OLFML1: variants seen among roughly 807,000 people sequenced by gnomAD.
OLFML1 encodes the protein olfactomedin like 1, also known as olfactomedin-like protein 1.
Under a neutral mutation model 37.3 loss-of-function variants are expected in OLFML1, and 33 were observed. That is an observed-to-expected ratio of 0.88 (90% CI 0.67 to 1.18). The LOEUF is 1.18. Among genes scored for constraint, OLFML1 ranks in the 50% most tolerant of loss-of-function variants. The pLI, the probability that OLFML1 is intolerant of heterozygous loss-of-function variation, is 0.00. For missense variants in OLFML1, 545 were observed against 483.7 expected, an observed-to-expected ratio of 1.13 and a Z score of -1.19; for synonymous variants, 186 against 181.3, an observed-to-expected ratio of 1.03 and a Z score of -0.21.
intron 2 of OLFML1, among the ~76,000 whole-genome samples, chr11:7,500,084 G>A (rs1327774502): frequency 1.3e-5 from 2 of 152,142 alleles, no homozygotes; most frequent in Non-Finnish European, 2.9e-5. Context: ...GTGGAGACGA[G>A]GTCTCACTAT....
chr11:7,509,686 T>G lies in OLFML1; in HGVS notation c.707T>G (p.Ile236Arg), dbSNP rs769025241. The change falls in exon 3 of 3, where the codon ATA becomes AGA. Residue 236 changes from isoleucine (I) to arginine (R), a missense_variant. Transcript: ENST00000329293. ...FFHNQATSNE[I>R]IKYNLQKRTV... ...CATAACCAAGCAACTTCTAATGAGA[T>G]AATCAAATATAACCTGCAGAAGAGG... 12 of 1,614,202 alleles carry G rather than the reference T, an allele frequency of 7.4e-6. No homozygotes were observed. In the Admixed American group the frequency reaches 2.0e-4, roughly 27 times the overall value.
intron 2 of OLFML1, among the ~76,000 whole-genome samples, chr11:7,501,294 G>A (rs559679874): frequency 4.5e-4 from 68 of 152,320 alleles, no homozygotes; most frequent in African/African-American, 1.5e-3. Flanking sequence ...AGTATGGCAG[G>A]GGGTCCTTCT....
chr11:7,488,554 G>C, intron 2 of OLFML1, 139 bp downstream of exon 2: 1 of 669,864 alleles, frequency 1.5e-6, no homozygotes, highest in Non-Finnish European at 2.5e-6. Flanking sequence ...TGCTGAGAGA[G>C]AAAGCTATAC....
Position 7,511,289 on chromosome 11 carries a change from TTC to T in OLFML1, c.*1107_*1108del, listed in dbSNP as rs138369701. 2 of 152,196 alleles carry T rather than the reference TTC, an allele frequency of 1.3e-5. No homozygotes were observed. The highest frequency in any genetic ancestry group is 2.9e-5 in the Non-Finnish European group (2 of 68,022). 9.4% of individuals were successfully genotyped at this position (152,196 alleles called of 1,614,324 possible). ...CTCCTCTTGTCTTGCTGTCCTCTGTTTCTCTCTTTCTGCTTTAAATTCAATAA... is the reference window on the plus strand; with the variant it reads ...CTCCTCTTGTCTTGCTGTCCTCTGTTTCTCTTTCTGCTTTAAATTCAATAA... On this transcript the variant is annotated 3_prime_UTR_variant, in exon 3 of 3. Transcript: ENST00000329293.
Position 7,510,343 on chromosome 11 carries a change from T to A in OLFML1, c.*155T>A, listed in dbSNP as rs1337180195. On this transcript the variant is annotated 3_prime_UTR_variant, in exon 3 of 3. Coordinates refer to ENST00000329293, the MANE Select transcript of OLFML1 (RefSeq NM_198474.4). ...GTATGCCTCCTTTCCCAAATGTCAC[T>A]GCCTTAGGTATCTTCCAAGAGCTTA... is the stretch of plus-strand genomic sequence containing the variant. 2 of 637,912 alleles carry A rather than the reference T, an allele frequency of 3.1e-6. No individual in the cohort carries two copies. The highest frequency in any genetic ancestry group is 3.7e-5 in the African/African-American group (2 of 54,690). 39.5% of individuals were successfully genotyped at this position (637,912 alleles called of 1,614,324 possible).
At chr11:7,491,744 C>G (rs557983779) in intron 2 of OLFML1, among the ~76,000 whole-genome samples, 46 of 152,298 alleles carry the variant, frequency 3.0e-4, no homozygotes, top group African/African-American at 9.6e-4. Flanking sequence ...TTCTGTGGGT[C>G]AGGAGTCCAT....
intron 2 of OLFML1, among the ~76,000 whole-genome samples, chr11:7,491,207 A>G (rs531977094): frequency 1.3e-5 from 2 of 152,020 alleles, no homozygotes; most frequent in South Asian, 2.1e-4. Flanking sequence ...GTGAAGACCT[A>G]TGAGGGTGAG....
chr11:7,499,013 G>A (rs559229923), intron 2 of OLFML1, among the ~76,000 whole-genome samples: 134 of 152,168 alleles, frequency 8.8e-4, no homozygotes, highest in African/African-American at 3.0e-3. Context: ...CCAATGTTTC[G>A]GATCCTTAAC....
chr11:7,496,257 A>T (rs995182418), intron 2 of OLFML1, among the ~76,000 whole-genome samples: 4 of 152,244 alleles, frequency 2.6e-5, no homozygotes, highest in Non-Finnish European at 4.4e-5. Flanking sequence ...GTCCCTAGGA[A>T]CTTAGCCTGG....
At chr11:7,508,075 A>G (rs1229419303) in intron 2 of OLFML1, among the ~76,000 whole-genome samples, 1 of 152,226 alleles carries the variant, frequency 6.6e-6, no homozygotes, top group Non-Finnish European at 1.5e-5. Context: ...GGAAAAGAAA[A>G]TGTCATTAAG....
chr11:7,503,922 C>G (rs1282117047), intron 2 of OLFML1, among the ~76,000 whole-genome samples: 3 of 152,102 alleles, frequency 2.0e-5, no homozygotes, highest in Admixed American at 6.5e-5. Flanking sequence ...ATTCTAGGAA[C>G]AAGGCATACA....
chr11:7,506,741 C>G (rs564719303), intron 2 of OLFML1, among the ~76,000 whole-genome samples: 13 of 152,218 alleles, frequency 8.5e-5, no homozygotes, highest in African/African-American at 2.9e-4. Flanking sequence ...GATATGGTGG[C>G]ATAACTAGGG....
Position 7,489,653 on chromosome 11 carries a change from T to C in OLFML1, c.418+1238T>C, listed in dbSNP as rs113325941. Among the ~76,000 whole-genome samples, 1,428 of 152,206 alleles carry C rather than the reference T, an allele frequency of 9.4e-3. 25 individuals carry two copies. Among genetic ancestry groups the C allele is most frequent in the African/African-American group, 0.033 (1,369 of 41,532 alleles). ...CAATGATTTGGGCAACAAGTAATAGTGTTGGCATTAAGTGTCATGGGACAG... is the reference window on the plus strand; with the variant it reads ...CAATGATTTGGGCAACAAGTAATAGCGTTGGCATTAAGTGTCATGGGACAG... On this transcript the variant is annotated intron_variant, in intron 2 of 2. Transcript: ENST00000329293.
chr11:7,495,080 C>T (rs1332313409), intron 2 of OLFML1, among the ~76,000 whole-genome samples: 3 of 152,170 alleles, frequency 2.0e-5, no homozygotes, highest in Admixed American at 2.0e-4. Flanking sequence ...TTCCCTTTGG[C>T]CCTCGTCTGA....
At chr11:7,509,264 C>T (rs1848822680) in intron 2 of OLFML1, 134 bp from the exon 3 acceptor site, 2 of 666,754 alleles carry the variant, frequency 3.0e-6, no homozygotes, top group African/African-American at 3.6e-5. Context: ...GGTCATGTCA[C>T]AGTAGAACTG....
At chr11:7,508,218 A>G (rs1435362041) in intron 2 of OLFML1, among the ~76,000 whole-genome samples, 1 of 152,218 alleles carries the variant, frequency 6.6e-6, no homozygotes, top group Non-Finnish European at 1.5e-5. Context: ...TGGCCTTGCT[A>G]TCTCAGGGGT....
intron 2 of OLFML1, among the ~76,000 whole-genome samples, chr11:7,502,637 C>T (rs1848736845): frequency 1.3e-5 from 2 of 151,378 alleles, no homozygotes; most frequent in African/African-American, 4.9e-5. Flanking sequence ...GACAGAGTCT[C>T]GCTCTGTATC....
intron 2 of OLFML1, among the ~76,000 whole-genome samples, chr11:7,504,368 A>C (rs1288601426): frequency 1.3e-5 from 2 of 152,128 alleles, no homozygotes; most frequent in Non-Finnish European, 2.9e-5. Context: ...GTAGGAGAAC[A>C]GCTTATATGT....
intron 2 of OLFML1, among the ~76,000 whole-genome samples, chr11:7,507,812 G>T (rs1430952088): frequency 6.6e-6 from 1 of 152,208 alleles, no homozygotes; most frequent in Non-Finnish European, 1.5e-5. Context: ...CACCCAAAGT[G>T]CTGGGATTAC....
Sources: gnomAD v4.1 joint callset for allele counts (sites outside exome capture counted in the v4.1 genomes callset) on GRCh38, gnomAD v4.1.1 for gene constraint, MANE v1.5 for transcripts, NCBI Gene and HGNC (gene_info 2026-07-23, HGNC 2026-07-21) for gene names.